PCDHGA1: variants seen among roughly 807,000 people sequenced by gnomAD.
PCDHGA1 encodes the protein protocadherin gamma-A1.
A neutral mutation model predicts 58.0 loss-of-function variants in PCDHGA1; 32 were observed. The ratio of observed to expected loss-of-function variants is 0.55; its 90% confidence interval spans 0.42 to 0.74. The LOEUF is 0.74. PCDHGA1 is among the 30% of genes least tolerant of loss of function. The probability of loss-of-function intolerance (pLI) is 0.00; values close to 1 mark genes in which losing one functional copy is unlikely to be tolerated. For synonymous variants in PCDHGA1, 498 were observed against 501.1 expected, an observed-to-expected ratio of 0.99 and a Z score of 0.08; for missense variants, 1,205 against 1,182.3, an observed-to-expected ratio of 1.02 and a Z score of -0.28.
chr5:141,474,505 A>G (rs2099350724), intron 1 of PCDHGA1, among the ~76,000 whole-genome samples: 2 of 152,248 alleles, frequency 1.3e-5, no homozygotes, highest in Admixed American at 6.5e-5. Context: ...AATGCCTATC[A>G]GCCCTCTTGC....
Position 141,345,651 on chromosome 5 carries a change from C to T in PCDHGA1, c.2421+12546C>T, listed in dbSNP as rs202221760. ...GGTGACAGCCAGCGACAGCGGGAAC[C>T]CTCCACTCAGCAGCAACGTGTCGCT... is the stretch of plus-strand genomic sequence containing the variant. On this transcript the variant is annotated intron_variant, in intron 1 of 3. Transcript: ENST00000517417. 1.7e-5 allele frequency: 27 copies of T among 1,614,094 alleles called. No individual in the cohort carries two copies. The African/African-American group carries it at 3.5e-4, about 21-fold the overall frequency.
chr5:141,333,302 A>G, intron 1 of PCDHGA1, 197 bp downstream of exon 1: 1 of 841,164 alleles, frequency 1.2e-6, no homozygotes, highest in Non-Finnish European at 1.8e-6. Context: ...TGCACTGAAA[A>G]GGAGACTGTG....
intron 1 of PCDHGA1, chr5:141,388,052 C>T (rs777475213): frequency 7.2e-7 from 1 of 1,394,236 alleles, no homozygotes; most frequent in Non-Finnish European, 9.8e-7. Flanking sequence ...ACCTGGGGTT[C>T]AGCGTCCAGG....
At position 141,332,304 on chromosome 5, in the gene PCDHGA1, G is replaced by C. The variant is rs768192242; in HGVS notation, c.1620G>C (p.Pro540=). ...TGATGGCGCGGGACAGTGGGGATCC[G>C]CCCCTCAGCAGCAACGTGTCTCTCA... is the stretch of plus-strand genomic sequence containing the variant. The part of the protein sequence containing the change: ...LKVMARDSGD[P]PLSSNVSLSL... The change falls in exon 1 of 4, where the codon CCG becomes CCC. Residue 540 remains proline, a synonymous_variant. Transcript: ENST00000517417. This position sits in a 1 kb window ranked among gnomAD's most constrained non-coding sequence, Gnocchi z 4.6. 2 of 1,614,214 alleles carry C rather than the reference G, an allele frequency of 1.2e-6. No individual in the cohort carries two copies. The highest frequency in any genetic ancestry group is 1.3e-5 in the African/African-American group (1 of 75,050).
Position 141,331,765 on chromosome 5 carries a change from C to A in PCDHGA1, c.1081C>A (p.Pro361Thr). ...SVTTAVPENF[P>T]PGTIIALISV... Reference sequence around the variant, plus strand: ...CACCACTGCAGTTCCAGAAAACTTTCCTCCTGGGACCATAATTGCTCTTAT... The same window carrying A: ...CACCACTGCAGTTCCAGAAAACTTTACTCCTGGGACCATAATTGCTCTTAT... Residue 361 changes from proline (P) to threonine (T), a missense_variant, in exon 1 of 4, where the codon CCT becomes ACT. Physicochemically the swap from Pro to Thr is conservative, Grantham distance 38. Coordinates refer to ENST00000517417, the MANE Select transcript of PCDHGA1 (RefSeq NM_018912.3). 2 of 1,614,172 alleles carry A rather than the reference C, an allele frequency of 1.2e-6. No homozygotes were observed. Among genetic ancestry groups the A allele is most frequent in the Non-Finnish European group, 1.7e-6 (2 of 1,180,034 alleles).
chr5:141,365,896 T>C, intron 1 of PCDHGA1: 3 of 1,614,212 alleles, frequency 1.9e-6, no homozygotes, highest in Non-Finnish European at 2.5e-6. Flanking sequence ...CCTTCGACTA[T>C]GAGCAGTTGA....
At chr5:141,401,669 T>A (rs2094181201) in intron 1 of PCDHGA1, among the ~76,000 whole-genome samples, 1 of 152,234 alleles carries the variant, frequency 6.6e-6, no homozygotes, top group Admixed American at 6.5e-5. Context: ...TTTCTCAACA[T>A]CCTTGTAGGA....
At chr5:141,399,134 A>G (rs2093758534) in intron 1 of PCDHGA1, 6 of 1,613,856 alleles carry the variant, frequency 3.7e-6, no homozygotes, top group Non-Finnish European at 5.1e-6. Flanking sequence ...ATTCAAGATG[A>G]AAATGACAAT....
intron 1 of PCDHGA1, chr5:141,408,084 G>A (rs564149257): frequency 7.5e-5 from 106 of 1,418,874 alleles, no homozygotes; most frequent in Middle Eastern, 2.5e-4. Context: ...CCAGCACAGC[G>A]GATTGCCAGC....
At chr5:141,415,046 G>C in intron 1 of PCDHGA1, 1 of 1,613,468 alleles carries the variant, frequency 6.2e-7, no homozygotes, top group Non-Finnish European at 8.5e-7. Context: ...TTCGCGGTGG[G>C]GGAGCACACG....
chr5:141,476,741 A>G lies in PCDHGA1; in HGVS notation c.2422-18066A>G, dbSNP rs1430298222. On this transcript the variant is annotated intron_variant, in intron 1 of 3. Transcript: ENST00000517417. The surrounding 1 kb of genome is among the most constrained non-coding windows in gnomAD (Gnocchi z 7.6). ...CGCCCTGGACCGAGAACGGGAGCCT[A>G]GTCTCCAGTTAGTGCTGACGGCGTT... The G allele has an allele frequency of 6.2e-7, 1 of 1,613,936 alleles. No individual in the cohort carries two copies. Among genetic ancestry groups the G allele is most frequent in the Non-Finnish European group, 8.5e-7 (1 of 1,180,032 alleles).
chr5:141,434,072 A>G lies in PCDHGA1; in HGVS notation c.2422-60735A>G, dbSNP rs558084143. On this transcript the variant is annotated intron_variant, in intron 1 of 3. Coordinates refer to ENST00000517417, the MANE Select transcript of PCDHGA1 (RefSeq NM_018912.3). ...CAATGGCCTGTAATCTGTTAATATC[A>G]ATTATTTATTTTGATGCTGAAATTG... Among the ~76,000 whole-genome samples the G allele has an allele frequency of 1.9e-3, 289 of 152,072 alleles. 1 individual carries two copies. Among genetic ancestry groups the G allele is most frequent in the African/African-American group, 6.7e-3 (276 of 41,486 alleles).
intron 1 of PCDHGA1, among the ~76,000 whole-genome samples, chr5:141,456,862 C>T (rs1385304686): frequency 6.6e-6 from 1 of 152,086 alleles, no homozygotes; most frequent in Non-Finnish European, 1.5e-5. Context: ...AATTGGGAGG[C>T]TGAGGCAGGA....
rs1011731430 is a variant in PCDHGA1, at chr5:141,489,676, G to A, written c.2422-5131G>A. 6.2e-7 allele frequency: 1 copy of A among 1,614,158 alleles called. No individual in the cohort carries two copies. The highest frequency in any genetic ancestry group is 8.5e-7 in the Non-Finnish European group (1 of 1,180,008). On this transcript the variant is annotated intron_variant, in intron 1 of 3. Coordinates refer to ENST00000517417, the MANE Select transcript of PCDHGA1 (RefSeq NM_018912.3). This position sits in a 1 kb window ranked among gnomAD's most constrained non-coding sequence, Gnocchi z 4.5. ...GCGAGAGATGCGCATCTCAGAATCAGCAGCATCTGGGGCACGATTCCCACT... is the reference window on the plus strand; with the variant it reads ...GCGAGAGATGCGCATCTCAGAATCAACAGCATCTGGGGCACGATTCCCACT...
chr5:141,492,296 G>GACGC lies in PCDHGA1; in HGVS notation c.2422-2500_2422-2497dup, dbSNP rs540417011. 9.7e-4 allele frequency among the ~76,000 whole-genome samples: 148 copies of GACGC among 152,328 alleles called. 2 individuals are homozygous for GACGC. In the South Asian group the frequency reaches 0.014, roughly 14 times the overall value. ...GCCACGCCCCGCCAACACGTGCGCGGACGCACGCACGCACTCCTCGCACGT... is the reference window on the plus strand; with the variant it reads ...GCCACGCCCCGCCAACACGTGCGCGGACGCACGCACGCACGCACTCCTCGCACGT... On this transcript the variant is annotated intron_variant, in intron 1 of 3. Transcript: ENST00000517417.
At chr5:141,399,708 A>C (rs769072460) in intron 1 of PCDHGA1, 50 of 1,613,374 alleles carry the variant, frequency 3.1e-5, no homozygotes, top group Non-Finnish European at 4.2e-5. Context: ...TCGAACTCAC[A>C]CTACAGGCCC....
chr5:141,346,457 G>A (rs753868796), intron 1 of PCDHGA1: 89 of 1,614,170 alleles, frequency 5.5e-5, no homozygotes, highest in Non-Finnish European at 6.9e-5. Context: ...ACCTACTTCA[G>A]GTGAGTTTAT....
intron 1 of PCDHGA1, chr5:141,405,598 T>G: frequency 1.7e-6 from 1 of 577,840 alleles, no homozygotes; most frequent in South Asian, 2.2e-5. Context: ...GCCTCCCAAG[T>G]AGAATAACTG....
intron 1 of PCDHGA1, chr5:141,426,664 A>G (rs886265350): frequency 2.3e-6 from 1 of 429,248 alleles, no homozygotes; most frequent in Admixed American, 2.5e-5. Flanking sequence ...GATATAAATG[A>G]TAACCCACCT....
Sources: gnomAD v4.1 joint callset for allele counts (sites outside exome capture counted in the v4.1 genomes callset) on GRCh38, gnomAD v4.1.1 for gene constraint, Gnocchi (gnomAD v3.1) non-coding constraint, MANE v1.5 for transcripts, NCBI Gene and HGNC (gene_info 2026-07-23, HGNC 2026-07-21) for gene names.